EML1: variants seen among roughly 807,000 people sequenced by gnomAD.
EML1 encodes the protein EMAP like 1.
Under a neutral mutation model 110.4 loss-of-function variants are expected in EML1, and 27 were observed. The observed-to-expected ratio is 0.24, with a 90% CI of 0.18 to 0.34. The LOEUF is 0.34. Among genes scored for constraint, EML1 ranks in the 10% least tolerant of loss-of-function variants. The pLI is 1.00. For synonymous variants in EML1, 344 were observed against 385.8 expected, an observed-to-expected ratio of 0.89 and a Z score of 1.27; for missense variants, 741 against 1,030.9, an observed-to-expected ratio of 0.72 and a Z score of 3.85.
intron 17 of EML1, among the ~76,000 whole-genome samples, chr14:99,929,345 G>T (rs918235750): frequency 2.0e-5 from 3 of 152,240 alleles, no homozygotes; most frequent in African/African-American, 7.2e-5. Context: ...GTTCTCTGCA[G>T]AGCATTGTGC....
chr14:99,832,620 ATGT>A (rs1214746241), intron 1 of EML1, among the ~76,000 whole-genome samples: 1 of 152,226 alleles, frequency 6.6e-6, no homozygotes, highest in African/African-American at 2.4e-5. Flanking sequence ...ATGACTAATG[ATGT>A]TGAGCACCTT....
intron 1 of EML1, among the ~76,000 whole-genome samples, chr14:99,777,744 G>A (rs2140210991): frequency 6.6e-6 from 1 of 152,278 alleles, no homozygotes; most frequent in East Asian, 1.9e-4. Context: ...GAAATAACAT[G>A]CATATACTGC....
chr14:99,855,091 T>C (rs990675130), intron 2 of EML1, among the ~76,000 whole-genome samples: 37 of 152,146 alleles, frequency 2.4e-4, no homozygotes, highest in African/African-American at 8.0e-4. Context: ...TCTTTAAAAA[T>C]GTTTGTGTTA....
intron 5 of EML1, among the ~76,000 whole-genome samples, chr14:99,893,715 T>G (rs1256376698): frequency 2.6e-5 from 4 of 152,258 alleles, no homozygotes; most frequent in African/African-American, 9.6e-5. Context: ...TATCCCTGGT[T>G]CCAACTGCCC....
At chr14:99,837,676 C>T (rs921508437) in intron 1 of EML1, among the ~76,000 whole-genome samples, 1 of 152,156 alleles carries the variant, frequency 6.6e-6, no homozygotes, top group African/African-American at 2.4e-5. Context: ...CCGAACATAT[C>T]TATTGTTTTG....
chr14:99,747,155 T>C (rs1473036282), intron 1 of EML1, among the ~76,000 whole-genome samples: 1 of 120,832 alleles, frequency 8.3e-6, no homozygotes, highest in East Asian at 2.5e-4. Flanking sequence ...GCCACTGCAC[T>C]CCAGCCTTGG....
chr14:99,817,482 T>A (rs2058187951), intron 1 of EML1, among the ~76,000 whole-genome samples: 1 of 152,364 alleles, frequency 6.6e-6, no homozygotes, highest in Admixed American at 6.5e-5. Context: ...CGGCTGGTGC[T>A]GAGGCAGCCC....
At chr14:99,823,997 G>T (rs6575747) in intron 1 of EML1, among the ~76,000 whole-genome samples, 58 of 152,060 alleles carry the variant, frequency 3.8e-4, no homozygotes, top group Non-Finnish European at 5.1e-4. Context: ...CTGTCGCCAG[G>T]CTGGAATGGA....
upstream of EML1, among the ~76,000 whole-genome samples, chr14:99,789,847 C>T (rs111363459): frequency 9.3e-4 from 141 of 152,296 alleles, no homozygotes; most frequent in African/African-American, 3.1e-3. Flanking sequence ...ACAATGACAA[C>T]ATTTTTGGTG....
chr14:99,857,585 C>T (rs996397037), intron 2 of EML1, among the ~76,000 whole-genome samples: 2 of 152,174 alleles, frequency 1.3e-5, no homozygotes, highest in Admixed American at 6.5e-5. Flanking sequence ...TCCAGTTGCT[C>T]CCTCCTCCCA....
chr14:99,918,332 G>A (rs1253397529), intron 16 of EML1, among the ~76,000 whole-genome samples: 1 of 152,152 alleles, frequency 6.6e-6, no homozygotes, highest in Non-Finnish European at 1.5e-5. Flanking sequence ...TCTAGCTCAA[G>A]CAGTCCTCCC....
intron 3 of EML1, among the ~76,000 whole-genome samples, chr14:99,866,519 A>G (rs1416941345): frequency 1.3e-5 from 2 of 150,050 alleles, no homozygotes; most frequent in Non-Finnish European, 1.5e-5. Flanking sequence ...GCAGTGAGTC[A>G]AGATTGCACC....
At chr14:99,916,256 C>G (rs150015120) in intron 15 of EML1, among the ~76,000 whole-genome samples, 1 of 152,170 alleles carries the variant, frequency 6.6e-6, no homozygotes, top group Non-Finnish European at 1.5e-5. Flanking sequence ...AAAATTGTTA[C>G]GAGGCTTAGA....
intron 9 of EML1, among the ~76,000 whole-genome samples, chr14:99,902,163 G>C (rs1412002168): frequency 6.6e-6 from 1 of 152,152 alleles, no homozygotes; most frequent in Non-Finnish European, 1.5e-5. Flanking sequence ...AGCTTATCCT[G>C]CATTCCTACA....
chr14:99,804,118 G>T (rs1019356934), intron 1 of EML1, among the ~76,000 whole-genome samples: 1 of 152,198 alleles, frequency 6.6e-6, no homozygotes, highest in African/African-American at 2.4e-5. Flanking sequence ...CTGAAATCTG[G>T]CTTGGTGTGT....
At chr14:99,866,306 C>T (rs912926023) in intron 3 of EML1, among the ~76,000 whole-genome samples, 3 of 151,946 alleles carry the variant, frequency 2.0e-5, no homozygotes, top group South Asian at 2.1e-4. Flanking sequence ...CTTGGTGGCT[C>T]ATGCCTGTAA....
intron 4 of EML1, among the ~76,000 whole-genome samples, chr14:99,889,422 A>G (rs1028326719): frequency 2.0e-5 from 3 of 152,196 alleles, no homozygotes; most frequent in Non-Finnish European, 4.4e-5. Flanking sequence ...CCCTGGGAAT[A>G]TAGCCATGAA....
At chr14:99,806,193 A>G (rs1024544501) in intron 1 of EML1, among the ~76,000 whole-genome samples, 11 of 152,242 alleles carry the variant, frequency 7.2e-5, no homozygotes, top group African/African-American at 2.4e-4. Context: ...GAAGTGGGAT[A>G]ATTACCTGCA....
upstream of EML1, among the ~76,000 whole-genome samples, chr14:99,770,877 C>T (rs11620644): frequency 6.7e-6 from 1 of 149,826 alleles, no homozygotes; most frequent in Non-Finnish European, 1.5e-5. Flanking sequence ...CTCCGCCTCC[C>T]GGGTTCACGC....
Sources: gnomAD v4.1 joint callset for allele counts (sites outside exome capture counted in the v4.1 genomes callset) on GRCh38, gnomAD v4.1.1 for gene constraint, MANE v1.5 for transcripts, NCBI Gene and HGNC (gene_info 2026-07-23, HGNC 2026-07-21) for gene names.